NFIX: variants seen among roughly 807,000 people sequenced by gnomAD.
NFIX encodes the protein nuclear factor I X.
A neutral mutation model predicts 53.3 loss-of-function variants in NFIX; 2 were observed. The observed-to-expected ratio is 0.04, with a 90% CI of 0.02 to 0.12. The LOEUF (loss-of-function observed/expected upper bound fraction) is 0.12, where lower values mean the gene tolerates loss of function less well. Ranked by LOEUF, NFIX falls within the 10% of genes least tolerant of loss-of-function variation. The pLI is 1.00. For synonymous variants in NFIX, 244 were observed against 289.0 expected (o/e 0.84, Z 1.58); for missense variants, 310 against 674.5 (o/e 0.46, Z 5.99).
chr19:13,080,962 TG>T lies in NFIX; in HGVS notation c.1079-717del, dbSNP rs995288215. On this transcript the variant is annotated intron_variant, in intron 7 of 10. Coordinates refer to ENST00000592199, the MANE Select transcript of NFIX (RefSeq NM_001365902.3). ...TTGCAGTGAGCTGAGATCGCACCAC[TG>T]CACTCCAGCCTGGGTGAGAGAGCGA... Among the ~76,000 whole-genome samples the T allele has an allele frequency of 5.3e-5, 8 of 150,730 alleles. No homozygotes were observed. The Admixed American group carries it at 5.3e-4, about 10-fold the overall frequency.
chr19:13,044,217 G>A (rs1026755507), intron 2 of NFIX, among the ~76,000 whole-genome samples: 8 of 152,168 alleles, frequency 5.3e-5, no homozygotes, highest in African/African-American at 1.9e-4. Context: ...TAGGACAGAG[G>A]GAGGCGACAG....
chr19:13,005,896 C>A lies in NFIX; in HGVS notation c.27+10032C>A, dbSNP rs948341017. Among the ~76,000 whole-genome samples, 4 of 152,208 alleles carry A rather than the reference C, an allele frequency of 2.6e-5. No homozygotes were observed. The highest frequency in any genetic ancestry group is 9.7e-5 in the African/African-American group (4 of 41,434). ...CCCCTGCTGGCCAGGCTTGCCCTCACCCCCGCAGGTCCAAACATCCTCTCC... is the reference window on the plus strand; with the variant it reads ...CCCCTGCTGGCCAGGCTTGCCCTCAACCCCGCAGGTCCAAACATCCTCTCC... On this transcript the variant is annotated intron_variant, in intron 1 of 10. Coordinates refer to ENST00000592199, the MANE Select transcript of NFIX (RefSeq NM_001365902.3). The surrounding 1 kb of genome is among the most constrained non-coding windows in gnomAD (Gnocchi z 4.7).
In NFIX at chr19:13,036,091, C is replaced by T. The variant is rs1487047313; in HGVS notation, c.559+10539C>T. On this transcript the variant is annotated intron_variant, in intron 2 of 10. Coordinates refer to ENST00000592199, the MANE Select transcript of NFIX (RefSeq NM_001365902.3). This position sits in a 1 kb window ranked among gnomAD's most constrained non-coding sequence, Gnocchi z 4.7. Reference sequence around the variant, plus strand: ...CCTAAGCCTCAGCCTGCCCTGAGATCCCCACCAAGGGGGCTGCGGCTGGAG... The same window carrying T: ...CCTAAGCCTCAGCCTGCCCTGAGATTCCCACCAAGGGGGCTGCGGCTGGAG... Among the ~76,000 whole-genome samples the T allele has an allele frequency of 2.6e-5, 4 of 152,198 alleles. No homozygotes were observed. The highest frequency in any genetic ancestry group is 6.5e-5 in the Admixed American group (1 of 15,286).
At chr19:13,065,947 C>G (rs1297933556) in intron 2 of NFIX, among the ~76,000 whole-genome samples, 1 of 152,144 alleles carries the variant, frequency 6.6e-6, no homozygotes, top group African/African-American at 2.4e-5. Context: ...GAACACCTTT[C>G]TCATTATATG....
chr19:13,084,247 C>T (rs535254334), intron 8 of NFIX, among the ~76,000 whole-genome samples: 1 of 152,218 alleles, frequency 6.6e-6, no homozygotes, highest in Non-Finnish European at 1.5e-5. Flanking sequence ...GAGTTCGAGA[C>T]CAGCCTGGGC....
intron 7 of NFIX, among the ~76,000 whole-genome samples, chr19:13,080,999 CA>C (rs969960262): frequency 2.2e-4 from 29 of 132,732 alleles, no homozygotes; most frequent in African/African-American, 3.9e-4. Flanking sequence ...GACTCAGTCT[CA>C]AAAAAAAAAA....
Position 12,996,142 on chromosome 19 carries a change from CGTGTGT to C in NFIX, c.27+302_27+307del, listed in dbSNP as rs3046151. Among the ~76,000 whole-genome samples the C allele has an allele frequency of 1.2e-3, 169 of 145,776 alleles. 1 individual carries two copies. The highest frequency in any genetic ancestry group is 3.2e-3 in the East Asian group (15 of 4,718). Reference sequence around the variant, plus strand: ...TGGAGCGCAGGCGGGAGTGCGTGTACGTGTGTGTGTGTGTGTGTGTGTGTGTGTGCG... The same window carrying C: ...TGGAGCGCAGGCGGGAGTGCGTGTACGTGTGTGTGTGTGTGTGTGTGTGCG... On this transcript the variant is annotated intron_variant, in intron 1 of 10. Coordinates refer to ENST00000592199, the MANE Select transcript of NFIX (RefSeq NM_001365902.3). The surrounding 1 kb of genome is among the most constrained non-coding windows in gnomAD (Gnocchi z 5.2).
rs1175134210 is a variant in NFIX at position 13,078,891 on chromosome 19, C to T, written c.1078+156C>T. On this transcript the variant is annotated intron_variant, in intron 7 of 10. Coordinates refer to ENST00000592199, the MANE Select transcript of NFIX (RefSeq NM_001365902.3). The surrounding 1 kb of genome is among the most constrained non-coding windows in gnomAD (Gnocchi z 4.7). ...AGCAGCGGGTGGGCATGGGAGCCGG[C>T]CCCTGCTTCACGTAGCACCTCATCG... Among the ~76,000 whole-genome samples the T allele has an allele frequency of 1.3e-5, 2 of 152,238 alleles. No homozygotes were observed. Among genetic ancestry groups the T allele is most frequent in the African/African-American group, 4.8e-5 (2 of 41,448 alleles).
intron 2 of NFIX, among the ~76,000 whole-genome samples, chr19:13,054,647 C>G (rs1304544656): frequency 1.3e-5 from 2 of 152,128 alleles, no homozygotes; most frequent in Non-Finnish European, 2.9e-5. Flanking sequence ...TAGGCCTGGT[C>G]TTGCTCTGTG....
At position 13,028,943 on chromosome 19, in the gene NFIX, A is replaced by G. The variant is rs2013584462; in HGVS notation, c.559+3391A>G. Among the ~76,000 whole-genome samples the G allele has an allele frequency of 1.3e-5, 2 of 152,148 alleles. No homozygotes were observed. The highest frequency in any genetic ancestry group is 6.5e-5 in the Admixed American group (1 of 15,278). ...CTAAGCCTTGGTCCTAGGAAAGAAA[A>G]AAAAAAATCCAAAGCTAACAAAATA... is the stretch of plus-strand genomic sequence containing the variant. On this transcript the variant is annotated intron_variant, in intron 2 of 10. Transcript: ENST00000592199. This position sits in a 1 kb window ranked among gnomAD's most constrained non-coding sequence, Gnocchi z 4.2.
In NFIX at chr19:13,049,026, A is replaced by AG. The variant is rs745357313; in HGVS notation, c.559+23474_559+23475insG. ...CAGGAGGCAGAGGTTGCAGTGAGAC[A>AG]AGATCGCGTCACTGTACCCCAGCCT... On this transcript the variant is annotated intron_variant, in intron 2 of 10. Coordinates refer to ENST00000592199, the MANE Select transcript of NFIX (RefSeq NM_001365902.3). The surrounding 1 kb of genome is among the most constrained non-coding windows in gnomAD (Gnocchi z 4.5). Among the ~76,000 whole-genome samples, 1,107 of 152,216 alleles carry AG rather than the reference A, an allele frequency of 7.3e-3. 7 individuals are homozygous for AG. The highest frequency in any genetic ancestry group is 0.011 in the Non-Finnish European group (726 of 68,006).
intron 2 of NFIX, among the ~76,000 whole-genome samples, chr19:13,039,220 A>ACCCCCCCCCCC (rs766690895): frequency 7.4e-6 from 1 of 135,658 alleles, no homozygotes; most frequent in African/African-American, 3.1e-5. Context: ...TAAATTAAAC[A>ACCCCCCCCCCC]CCCCCCCCCA....
rs1056740372 is a variant in NFIX, at chr19:13,036,627, C to T, written c.559+11075C>T. ...CTTGGGGAGTGTGTCCTTATTATGC[C>T]TGCAGATTATATCCCCATTAGCGCA... On this transcript the variant is annotated intron_variant, in intron 2 of 10. Transcript: ENST00000592199. This position sits in a 1 kb window ranked among gnomAD's most constrained non-coding sequence, Gnocchi z 4.7. Among the ~76,000 whole-genome samples the T allele has an allele frequency of 2.0e-5, 3 of 152,136 alleles. No homozygotes were observed. The highest frequency in any genetic ancestry group is 3.8e-4 in the East Asian group (2 of 5,200).
chr19:13,082,904 C>T (rs559254816), intron 8 of NFIX, among the ~76,000 whole-genome samples: 1 of 152,336 alleles, frequency 6.6e-6, no homozygotes, highest in East Asian at 1.9e-4. Context: ...TGCCACCAGC[C>T]CCGTGCTGCC....
rs1032312566 is a variant in NFIX at position 13,044,904 on chromosome 19, C to T, written c.559+19352C>T. Among the ~76,000 whole-genome samples, 3 of 152,314 alleles carry T rather than the reference C, an allele frequency of 2.0e-5. No homozygotes were observed. In the East Asian group the frequency reaches 5.8e-4, roughly 29 times the overall value. Reference sequence around the variant, plus strand: ...TTTGGATATGGCACAAAGACAACAACCCTTCCCGGGGGCTAAGGAGATCTG... The same window carrying T: ...TTTGGATATGGCACAAAGACAACAATCCTTCCCGGGGGCTAAGGAGATCTG... On this transcript the variant is annotated intron_variant, in intron 2 of 10. Transcript: ENST00000592199.
intron 2 of NFIX, among the ~76,000 whole-genome samples, chr19:13,029,372 C>T (rs1226887542): frequency 6.6e-6 from 1 of 152,058 alleles, no homozygotes; most frequent in African/African-American, 2.4e-5. Flanking sequence ...TTCACATTTC[C>T]CTAATTATCA....
At position 13,081,884 on chromosome 19, in the gene NFIX, C is replaced by T. The variant is rs1426662720; in HGVS notation, c.1254+29C>T. ...AGTCCAGAGGGCCCCAGGAGCCCGG[C>T]TACAGCCTCATCTCCACATCTATCT... On this transcript the variant is annotated intron_variant, in intron 8 of 10. Coordinates refer to ENST00000592199, the MANE Select transcript of NFIX (RefSeq NM_001365902.3). This position sits in a 1 kb window ranked among gnomAD's most constrained non-coding sequence, Gnocchi z 4.7. 2 of 1,610,664 alleles carry T rather than the reference C, an allele frequency of 1.2e-6. No individual in the cohort carries two copies. Among genetic ancestry groups the T allele is most frequent in the Non-Finnish European group, 1.7e-6 (2 of 1,178,290 alleles).
At chr19:13,077,861 G>C (rs531268017) in intron 6 of NFIX, among the ~76,000 whole-genome samples, 1 of 152,176 alleles carries the variant, frequency 6.6e-6, no homozygotes, top group Non-Finnish European at 1.5e-5. Flanking sequence ...TTCAAACAAG[G>C]TGTTCTCTGT....
rs1183333086 is a variant in NFIX, at chr19:13,081,770, G to A, written c.1169G>A (p.Arg390His). The A allele has an allele frequency of 6.2e-7, 1 of 1,613,894 alleles. No homozygotes were observed. The highest frequency in any genetic ancestry group is 1.7e-5 in the Admixed American group (1 of 60,010). ...SSPYFTHPTI[R>H]YHHHHGQDSL... is the part of the protein sequence containing the mutation. ...CCGTATTTCACGCACCCGACCATCC[G>A]CTACCACCACCACCACGGGCAGGAC... The change falls in exon 8 of 11, where the codon CGC becomes CAC. Residue 390 changes from arginine to histidine, a missense_variant. Arg to His is a conservative substitution (Grantham distance 29). Transcript: ENST00000592199. The surrounding 1 kb of genome is among the most constrained non-coding windows in gnomAD (Gnocchi z 4.7).
Sources: allele counts gnomAD v4.1 joint callset (sites outside exome capture counted in the v4.1 genomes callset), GRCh38; gene constraint gnomAD v4.1.1; non-coding constraint Gnocchi (gnomAD v3.1); transcripts MANE v1.5; gene names NCBI Gene and HGNC (gene_info 2026-07-23, HGNC 2026-07-21).